The following NOL4L variants were observed in gnomAD, a reference collection of about 807,000 sequenced individuals.
The protein encoded by NOL4L is nucleolar protein 4-like.
In NOL4L, 7 loss-of-function variants were observed where a neutral mutation model predicts 64.5. That is an observed-to-expected ratio of 0.11 (90% CI 0.06 to 0.20). NOL4L has a LOEUF of 0.20. NOL4L is among the 10% of genes least tolerant of loss of function. NOL4L has a pLI of 1.00. For missense variants in NOL4L, 680 were observed against 967.1 expected (o/e 0.70, Z 3.94); for synonymous variants, 413 against 401.0 (o/e 1.03, Z -0.36).
intron 1 of NOL4L, chr20:32,536,304 C>T: frequency 1.0e-6 from 1 of 985,280 alleles, no homozygotes; most frequent in Non-Finnish European, 1.2e-6. Flanking sequence ...GGGTCCCTCT[C>T]GGGCCGAGGA....
At chr20:32,550,634 C>G (rs982968443) in intron 1 of NOL4L, among the ~76,000 whole-genome samples, 1 of 152,192 alleles carries the variant, frequency 6.6e-6, no homozygotes, top group African/African-American at 2.4e-5. Flanking sequence ...ATAATCCCAA[C>G]ACTTTGGGAG....
intron 4 of NOL4L, among the ~76,000 whole-genome samples, chr20:32,488,853 TTCTTTC>T (rs1568649213): frequency 2.3e-4 from 23 of 100,692 alleles, no homozygotes; most frequent in African/African-American, 1.2e-3. Context: ...CTTTCTTTCT[TTCTTTC>T]TTTCTTTCTT....
chr20:32,516,540 G>A (rs995555135), intron 3 of NOL4L, among the ~76,000 whole-genome samples: 5 of 152,148 alleles, frequency 3.3e-5, no homozygotes, highest in African/African-American at 9.7e-5. Flanking sequence ...TGGGACTCAC[G>A]AACTATTGCT....
intron 4 of NOL4L, among the ~76,000 whole-genome samples, chr20:32,506,601 C>T (rs1179484495): frequency 6.6e-6 from 1 of 152,066 alleles, no homozygotes; most frequent in Admixed American, 6.5e-5. Context: ...GCAGAGGTTG[C>T]AGTGAGCCGA....
At chr20:32,499,286 T>C (rs2016823525) in intron 4 of NOL4L, among the ~76,000 whole-genome samples, 1 of 152,192 alleles carries the variant, frequency 6.6e-6, no homozygotes, top group African/African-American at 2.4e-5. Context: ...GACACTGGGC[T>C]CATGGTGCTC....
intron 1 of NOL4L, among the ~76,000 whole-genome samples, chr20:32,568,565 A>G (rs1979575243): frequency 6.6e-6 from 1 of 152,084 alleles, no homozygotes; most frequent in Non-Finnish European, 1.5e-5. Context: ...TACAACACTC[A>G]ATGGCTCCCA....
chr20:32,584,954 G>T lies in NOL4L; in HGVS notation c.-64C>A. 1.1e-6 allele frequency: 1 copy of T among 895,392 alleles called. No individual in the cohort carries two copies. Among genetic ancestry groups the T allele is most frequent in the East Asian group, 9.2e-5 (1 of 10,850 alleles). The allele number at this position is 895,392 out of a possible 1,614,324, so 55.5% of individuals were successfully genotyped here. ...CGCCGGGCCGCCCGGTGCCGGGACTGGGCTGGGCTGGGCTGGACCGGGCCG... is the reference window on the plus strand; with the variant it reads ...CGCCGGGCCGCCCGGTGCCGGGACTTGGCTGGGCTGGGCTGGACCGGGCCG... On this transcript the variant is annotated 5_prime_UTR_variant, in exon 1 of 11. Transcript: ENST00000621426.
chr20:32,584,457 G>A, intron 1 of NOL4L, 113 bp downstream of exon 1: 1 of 894,270 alleles, frequency 1.1e-6, no homozygotes, highest in Non-Finnish European at 1.5e-6. Flanking sequence ...CCGACACACG[G>A]ACAACCTCAG....
chr20:32,459,290 G>A (rs2013832974), intron 5 of NOL4L, among the ~76,000 whole-genome samples: 1 of 150,388 alleles, frequency 6.6e-6, no homozygotes, highest in East Asian at 1.9e-4. Context: ...GCCCAGGCTA[G>A]AGTACAGCGG....
chr20:32,537,661 T>C (rs558047492), intron 1 of NOL4L, among the ~76,000 whole-genome samples: 22 of 152,262 alleles, frequency 1.4e-4, no homozygotes, highest in Non-Finnish European at 2.6e-4. Context: ...CTCTTCTTCC[T>C]TTCCTCAGTT....
intron 1 of NOL4L, among the ~76,000 whole-genome samples, chr20:32,559,254 G>A (rs753642807): frequency 1.1e-4 from 17 of 152,188 alleles, no homozygotes; most frequent in Non-Finnish European, 2.1e-4. Flanking sequence ...AGCCTGGCAC[G>A]TAGTAGGACC....
intron 10 of NOL4L, chr20:32,451,854 G>A (rs2012942826): frequency 6.0e-6 from 1 of 165,378 alleles, no homozygotes; most frequent in Admixed American, 6.4e-5. Flanking sequence ...GAGACAGACG[G>A]GGCTGCGGAG....
intron 5 of NOL4L, among the ~76,000 whole-genome samples, chr20:32,458,589 C>T (rs1322052358): frequency 6.6e-6 from 1 of 152,244 alleles, no homozygotes; most frequent in Non-Finnish European, 1.5e-5. Context: ...CCCACGCTCC[C>T]ATGAGCTGCA....
chr20:32,577,468 G>A (rs1304957660), intron 1 of NOL4L, among the ~76,000 whole-genome samples: 1 of 152,176 alleles, frequency 6.6e-6, no homozygotes, highest in Non-Finnish European at 1.5e-5. Context: ...CTCACTGCAG[G>A]GCAGGAACCA....
chr20:32,512,097 A>G (rs1368059698), intron 3 of NOL4L, among the ~76,000 whole-genome samples: 1 of 152,300 alleles, frequency 6.6e-6, no homozygotes, highest in African/African-American at 2.4e-5. Context: ...TTTGAAGAAC[A>G]TAAGGTCTGG....
intron 4 of NOL4L, among the ~76,000 whole-genome samples, chr20:32,488,776 TTCC>T (rs1568647515): frequency 3.9e-4 from 20 of 51,458 alleles, no homozygotes; most frequent in African/African-American, 2.7e-3. Flanking sequence ...CCTTCCTTCC[TTCC>T]TTCCTTCCTT....
At chr20:32,457,508 G>A (rs2013661707) in intron 5 of NOL4L, among the ~76,000 whole-genome samples, 1 of 150,668 alleles carries the variant, frequency 6.6e-6, no homozygotes, top group African/African-American at 2.4e-5. Flanking sequence ...AGTCCCCGGT[G>A]CTGGGCACTG....
chr20:32,477,048 T>C (rs1370571648), intron 4 of NOL4L, among the ~76,000 whole-genome samples: 1 of 152,120 alleles, frequency 6.6e-6, no homozygotes, highest in Non-Finnish European at 1.5e-5. Flanking sequence ...AAAGTTCCCC[T>C]CCCACAGTGC....
intron 1 of NOL4L, among the ~76,000 whole-genome samples, chr20:32,583,270 G>A (rs1980608474): frequency 1.3e-5 from 2 of 151,240 alleles, no homozygotes; most frequent in Admixed American, 1.3e-4. Flanking sequence ...CTGCTCCCCG[G>A]CTCCCGCCTC....
Sources: allele counts gnomAD v4.1 joint callset (sites outside exome capture counted in the v4.1 genomes callset), GRCh38; gene constraint gnomAD v4.1.1; transcripts MANE v1.5; gene names NCBI Gene and HGNC (gene_info 2026-07-23, HGNC 2026-07-21).